THAP5: variants seen among roughly 807,000 people sequenced by gnomAD.
THAP5 encodes THAP domain-containing protein 5.
THAP5 carries 26 observed loss-of-function variants against 34.0 expected under a neutral mutation model. The observed-to-expected ratio is 0.77, with a 90% CI of 0.56 to 1.06. The LOEUF is 1.06. THAP5 is among the 50% of genes least tolerant of loss of function. THAP5 has a pLI of 0.00. For synonymous variants in THAP5, 125 were observed against 153.0 expected, an observed-to-expected ratio of 0.82 and a Z score of 1.35; for missense variants, 394 against 452.8, an observed-to-expected ratio of 0.87 and a Z score of 1.18.
intron 1 of THAP5, 48 bp from the exon 2 acceptor site, chr7:108,566,070 T>A: frequency 6.8e-7 from 1 of 1,465,742 alleles, no homozygotes; most frequent in Non-Finnish European, 9.0e-7. Context: ...TTTGCTATAT[T>A]TTTACAATTT....
chr7:108,544,205 T>A, the THAP5 span, among the ~76,000 whole-genome samples: 1 of 152,182 alleles, frequency 6.6e-6, no homozygotes, highest in Non-Finnish European at 1.5e-5. Flanking sequence ...CAATTCATGG[T>A]CCAAACTGTC....
chr7:108,542,333 G>A, the THAP5 span, among the ~76,000 whole-genome samples: 22 of 152,098 alleles, frequency 1.4e-4, no homozygotes, highest in Non-Finnish European at 2.2e-4. Flanking sequence ...ATGGCACTCA[G>A]GTTATCTTTT....
Position 108,569,541 on chromosome 7 carries a change from C to A in THAP5, c.29G>T (p.Cys10Phe). 3.2e-6 allele frequency: 5 copies of A among 1,551,764 alleles called. No individual in the cohort carries two copies. The highest frequency in any genetic ancestry group is 4.4e-6 in the Non-Finnish European group (5 of 1,147,020). MPRYCAAIC[C>F]KNRRGRNNKD... The stretch of plus-strand genomic sequence containing the variant: ...ATTGTTTCGTCCCCGGCGGTTCTTA[C>A]AACAAATCGCTGCGCAATAGCGGGG... The change falls in exon 1 of 3, where the codon TGT becomes TTT. Residue 10 changes from cysteine to phenylalanine, a missense_variant. Physicochemically the swap from Cys to Phe is radical, Grantham distance 205. Transcript: ENST00000415914.
intron 1 of THAP5, chr7:108,569,082 A>AT: frequency 9.7e-7 from 1 of 1,031,316 alleles, no homozygotes; most frequent in African/African-American, 1.7e-5. Flanking sequence ...GGATGAAATT[A>AT]TACCTATGCG....
rs1206956608 is a variant in THAP5, at chr7:108,565,958, C to G, written c.145G>C (p.Val49Leu). The G allele has an allele frequency of 6.4e-7, 1 of 1,550,530 alleles. No individual in the cohort carries two copies. The highest frequency in any genetic ancestry group is 8.7e-7 in the Non-Finnish European group (1 of 1,146,626). Reference protein sequence around the residue: ...WLKNMKRDSWVPSKYQFLCSD... With the variant: ...WLKNMKRDSWLPSKYQFLCSD... ...CATAGAAACTGGTATTTACTGGGAA[C>G]CCATGAATCTCGCTTCATATTCTTT... The change falls in exon 2 of 3, where the codon GTT (valine) becomes CTT (leucine). Residue 49 changes from valine (V) to leucine (L), a missense_variant. Transcript: ENST00000415914.
downstream of THAP5, among the ~76,000 whole-genome samples, chr7:108,560,676 T>C (rs966937637): frequency 6.6e-6 from 1 of 152,216 alleles, no homozygotes. Flanking sequence ...CAGGAGGCAG[T>C]TGACATGAGG....
At chr7:108,544,847 CG>C in the THAP5 span, among the ~76,000 whole-genome samples, 2 of 151,834 alleles carry the variant, frequency 1.3e-5, no homozygotes, top group Admixed American at 1.3e-4. Context: ...TTTATAGAGA[CG>C]GGGTTTCATC....
chr7:108,543,087 C>T, the THAP5 span, among the ~76,000 whole-genome samples: 6 of 151,846 alleles, frequency 4.0e-5, no homozygotes, highest in South Asian at 4.2e-4. Context: ...TCACCACGCC[C>T]GGCTAATTTT....
downstream of THAP5, among the ~76,000 whole-genome samples, chr7:108,553,281 G>A (rs1435805161): frequency 6.6e-6 from 1 of 151,934 alleles, no homozygotes; most frequent in Admixed American, 6.6e-5. Flanking sequence ...GGCCTCAAGT[G>A]ATCCTCTTGC....
downstream of THAP5, among the ~76,000 whole-genome samples, chr7:108,559,109 A>T (rs1462282937): frequency 6.6e-6 from 1 of 152,220 alleles, no homozygotes; most frequent in African/African-American, 2.4e-5. Context: ...GGAACAAAAC[A>T]CAGATAAATA....
In THAP5 at chr7:108,566,002, T is replaced by A. The variant is rs747831763; in HGVS notation, c.101A>T (p.Glu34Val). The change falls in exon 2 of 3, where the codon GAA becomes GTA. Residue 34 changes from glutamate to valine, a missense_variant. Physicochemically the swap from Glu to Val is moderately radical, Grantham distance 121 (BLOSUM62 -2). Transcript: ENST00000415914. ...ATTCTTTAACCACTTTTCCAGTCTT[T>A]CTTTGTCATGTAGAGGAAATCTGGA... ...SFYPFPLHDK[E>V]RLEKWLKNMK... The A allele has an allele frequency of 3.9e-5, 60 of 1,529,090 alleles. 4 individuals are homozygous for A. The Middle Eastern group carries it at 4.0e-3, about 103-fold the overall frequency. The allele number at this position is 1,529,090 out of a possible 1,614,324, so 94.7% of individuals were successfully genotyped here. A position where few individuals can be genotyped will look rare whatever the true frequency, so the allele number is the denominator to read the frequency against.
the THAP5 span, among the ~76,000 whole-genome samples, chr7:108,548,601 T>G: frequency 6.6e-6 from 1 of 152,176 alleles, no homozygotes; most frequent in East Asian, 1.9e-4. Flanking sequence ...GAGGTTTAAT[T>G]GACTCACAGT....
downstream of THAP5, among the ~76,000 whole-genome samples, chr7:108,557,512 G>A (rs377238519): frequency 1.3e-4 from 20 of 152,358 alleles, no homozygotes; most frequent in African/African-American, 4.8e-4. Flanking sequence ...AAGGTCGACA[G>A]ATCCCTAGAG....
chr7:108,550,487 A>G (rs1864347065), downstream of THAP5, among the ~76,000 whole-genome samples: 1 of 151,996 alleles, frequency 6.6e-6, no homozygotes, highest in Admixed American at 6.6e-5. Flanking sequence ...TTCTATTACA[A>G]TTCTCTAAAA....
intron 1 of THAP5, 128 bp from the exon 2 acceptor site, chr7:108,566,150 A>G (rs1360969139): frequency 2.9e-6 from 2 of 684,780 alleles, no homozygotes; most frequent in African/African-American, 1.8e-5. Flanking sequence ...GAAGGCAACC[A>G]TCCCTACCAA....
chr7:108,559,356 G>A (rs980087080), downstream of THAP5, among the ~76,000 whole-genome samples: 6 of 152,284 alleles, frequency 3.9e-5, no homozygotes, highest in East Asian at 1.2e-3. Flanking sequence ...ATTAGACGAA[G>A]GTGTAGTCTC....
chr7:108,551,962 A>T (rs539941513), downstream of THAP5, among the ~76,000 whole-genome samples: 26 of 152,272 alleles, frequency 1.7e-4, no homozygotes, highest in South Asian at 8.3e-4. Context: ...GGCTTGTCAA[A>T]TTCTCCAGAG....
At chr7:108,555,130 T>C (rs997369935) in intron 1 of THAP5, among the ~76,000 whole-genome samples, 6 of 152,286 alleles carry the variant, frequency 3.9e-5, no homozygotes, top group Non-Finnish European at 8.8e-5. Context: ...TTAGTGACCA[T>C]TAAAAATGGT....
In THAP5 at chr7:108,565,811, CT is replaced by C. The variant is rs1790473651; in HGVS notation, c.273+18del. On this transcript the variant is annotated intron_variant, in intron 2 of 2. Coordinates refer to ENST00000415914, the MANE Select transcript of THAP5 (RefSeq NM_001130475.3). ...TCTGCCACTCTGCTCAGCATTACCCCTCTCCCATACTGCAATACCTGATTGT... is the reference window on the plus strand; with the variant it reads ...TCTGCCACTCTGCTCAGCATTACCCCCTCCCATACTGCAATACCTGATTGT... 1 of 1,522,760 alleles carries C rather than the reference CT, an allele frequency of 6.6e-7. No homozygotes were observed. Among genetic ancestry groups the C allele is most frequent in the African/African-American group, 1.4e-5 (1 of 72,046 alleles). 94.3% of individuals were successfully genotyped at this position (1,522,760 alleles called of 1,614,324 possible).
Sources: gnomAD v4.1 joint callset for allele counts (sites outside exome capture counted in the v4.1 genomes callset) on GRCh38, gnomAD v4.1.1 for gene constraint, MANE v1.5 for transcripts, NCBI Gene and HGNC (gene_info 2026-07-23, HGNC 2026-07-21) for gene names.